Variants in DHX40 observed in about 807,000 individuals in gnomAD.
DHX40 encodes the protein DEAH-box helicase 40.
In DHX40, 28 loss-of-function variants were observed where a neutral mutation model predicts 89.6. The observed-to-expected ratio is 0.31, with a 90% CI of 0.23 to 0.43. The LOEUF (loss-of-function observed/expected upper bound fraction) is 0.43. Ranked by LOEUF, DHX40 falls within the 20% of genes least tolerant of loss-of-function variation. DHX40 has a pLI of 1.00. For synonymous variants in DHX40, 226 were observed against 283.6 expected, an observed-to-expected ratio of 0.80 and a Z score of 2.04; for missense variants, 457 against 844.0, an observed-to-expected ratio of 0.54 and a Z score of 5.68.
chr17:59,600,892 A>C (rs376591951), intron 14 of DHX40, among the ~76,000 whole-genome samples: 1 of 147,738 alleles, frequency 6.8e-6, no homozygotes, highest in African/African-American at 2.5e-5. Flanking sequence ...TTATGCGTAC[A>C]GGTCACTGCA....
intron 12 of DHX40, among the ~76,000 whole-genome samples, chr17:59,591,608 T>C (rs549819225): frequency 5.9e-5 from 9 of 151,316 alleles, no homozygotes; most frequent in South Asian, 4.2e-4. Context: ...TTTATTCTTA[T>C]ATAATTTCAA....
intron 17 of DHX40, among the ~76,000 whole-genome samples, chr17:59,606,309 G>T (rs966139033): frequency 2.0e-5 from 3 of 152,180 alleles, no homozygotes; most frequent in Non-Finnish European, 4.4e-5. Context: ...AAGTTTTTCA[G>T]CTCACATACA....
At position 59,607,483 on chromosome 17, in the gene DHX40, T is replaced by C; in HGVS notation, c.*311T>C. On this transcript the variant is annotated 3_prime_UTR_variant, in exon 18 of 18. Coordinates refer to ENST00000251241, the MANE Select transcript of DHX40 (RefSeq NM_024612.5). ...CTGGTATCAAACGCTGTCATTGAGATGTTTTCAAAGAACATTGAGTTGTAT... is the reference window on the plus strand; with the variant it reads ...CTGGTATCAAACGCTGTCATTGAGACGTTTTCAAAGAACATTGAGTTGTAT... 3.5e-6 allele frequency: 2 copies of C among 579,256 alleles called. No individual in the cohort carries two copies. The highest frequency in any genetic ancestry group is 6.1e-6 in the Non-Finnish European group (2 of 325,590). 35.9% of individuals were successfully genotyped at this position (579,256 alleles called of 1,614,324 possible). A position where few individuals can be genotyped will look rare whatever the true frequency, so the allele number is the denominator to read the frequency against.
At chr17:59,595,288 G>A (rs1406881884) in intron 12 of DHX40, among the ~76,000 whole-genome samples, 5 of 151,664 alleles carry the variant, frequency 3.3e-5, no homozygotes, top group African/African-American at 1.2e-4. Context: ...TCTCCATGTT[G>A]GTCAGGCTGG....
At chr17:59,599,941 A>G (rs1363125477) in intron 14 of DHX40, among the ~76,000 whole-genome samples, 1 of 149,822 alleles carries the variant, frequency 6.7e-6, no homozygotes, top group Non-Finnish European at 1.5e-5. Flanking sequence ...CTTCTGCCTC[A>G]GCCTCCCAAG....
chr17:59,569,329 A>AAAATAAATAAAT (rs5821271), intron 2 of DHX40, among the ~76,000 whole-genome samples: 3 of 146,900 alleles, frequency 2.0e-5, no homozygotes, highest in South Asian at 2.2e-4. Flanking sequence ...CTCTATCTCA[A>AAAATAAATAAAT]AAATAAATAA....
chr17:59,595,230 T>C (rs1428264742), intron 12 of DHX40, among the ~76,000 whole-genome samples: 3 of 151,700 alleles, frequency 2.0e-5, no homozygotes, highest in African/African-American at 4.8e-5. Context: ...ATTACAGGCA[T>C]GTGCCACCAT....
chr17:59,571,900 A>G (rs140003943), intron 3 of DHX40, among the ~76,000 whole-genome samples: 73 of 152,170 alleles, frequency 4.8e-4, no homozygotes, highest in African/African-American at 1.6e-3. Flanking sequence ...TGTCTCTACA[A>G]ATTTGCCTAC....
At position 59,607,476 on chromosome 17, in the gene DHX40, A is replaced by C; in HGVS notation, c.*304A>C. 1.7e-6 allele frequency: 1 copy of C among 580,916 alleles called. No individual in the cohort carries two copies. The highest frequency in any genetic ancestry group is 3.1e-6 in the Non-Finnish European group (1 of 326,780). 36.0% of individuals were successfully genotyped at this position (580,916 alleles called of 1,614,324 possible). Reference sequence around the variant, plus strand: ...GCCTTAACTGGTATCAAACGCTGTCATTGAGATGTTTTCAAAGAACATTGA... The same window carrying C: ...GCCTTAACTGGTATCAAACGCTGTCCTTGAGATGTTTTCAAAGAACATTGA... On this transcript the variant is annotated 3_prime_UTR_variant, in exon 18 of 18. Transcript: ENST00000251241.
intron 11 of DHX40, among the ~76,000 whole-genome samples, chr17:59,587,101 T>C (rs2143285793): frequency 6.8e-6 from 1 of 148,076 alleles, no homozygotes; most frequent in African/African-American, 2.5e-5. Flanking sequence ...TGCAGTGAGC[T>C]GAGGAGATTG....
In DHX40 at chr17:59,588,051, C is replaced by G. The variant is rs2049024342; in HGVS notation, c.1580C>G (p.Pro527Arg). 6.2e-7 allele frequency: 1 copy of G among 1,612,670 alleles called. No homozygotes were observed. The change falls in exon 12 of 18, where the codon CCT (proline) becomes CGT (arginine). Residue 527 changes from proline (P) to arginine (R), a missense_variant and splice_region_variant. Physicochemically the swap from Pro to Arg is moderately radical, Grantham distance 103. Around this residue, in one of 9 missense-constraint regions of DHX40, gnomAD observed 6 missense variants for 77.3 expected, o/e 0.08. Coordinates refer to ENST00000251241, the MANE Select transcript of DHX40 (RefSeq NM_024612.5). ...MLSVENVFIR[P>R]VDPEYQKEAE... ...TCTGTGGAAAACGTCTTCATTAGAC[C>G]TGGTAAGATGTTTATTTTAAGTTGT...
chr17:59,574,889 TAGC>T (rs1425503134), intron 6 of DHX40, among the ~76,000 whole-genome samples: 4 of 152,222 alleles, frequency 2.6e-5, no homozygotes, highest in Non-Finnish European at 5.9e-5. Flanking sequence ...ACTTTTCAAA[TAGC>T]AGCACCCTCC....
At chr17:59,603,710 TTTG>T (rs1567901724) in intron 15 of DHX40, 1 of 152,208 alleles carries the variant, frequency 6.6e-6, no homozygotes, top group Non-Finnish European at 1.5e-5. Flanking sequence ...CCATAAAATT[TTTG>T]TTAATTACAA....
intron 12 of DHX40, among the ~76,000 whole-genome samples, chr17:59,590,734 T>C (rs1013418223): frequency 6.6e-6 from 1 of 151,938 alleles, no homozygotes; most frequent in Non-Finnish European, 1.5e-5. Flanking sequence ...CCTCTTAAAA[T>C]GCTGGTATTA....
At chr17:59,597,544 G>A (rs1462376372) in intron 12 of DHX40, among the ~76,000 whole-genome samples, 1 of 151,876 alleles carries the variant, frequency 6.6e-6, no homozygotes, top group African/African-American at 2.4e-5. Flanking sequence ...CCATACTCCT[G>A]GGGAATACCA....
rs762968225 is a variant in DHX40, at chr17:59,573,955, G to A, written c.762G>A (p.Ala254=). 1.3e-6 allele frequency: 2 copies of A among 1,498,826 alleles called. No individual in the cohort carries two copies. The highest frequency in any genetic ancestry group is 1.8e-6 in the Non-Finnish European group (2 of 1,092,892). The allele number at this position is 1,498,826 out of a possible 1,614,324, so 92.8% of individuals were successfully genotyped here. ...LIGPRDRENT[A]YIQAIVKVTM... is the part of the protein sequence containing the mutation. ...GTCCACGAGACAGAGAAAATACTGC[G>A]TATATTCAAGCGGTATTACTTGGCA... The change falls in exon 5 of 18, where the codon GCG becomes GCA. Residue 254 remains alanine, a synonymous_variant. Coordinates refer to ENST00000251241, the MANE Select transcript of DHX40 (RefSeq NM_024612.5).
intron 2 of DHX40, among the ~76,000 whole-genome samples, chr17:59,569,710 TC>T (rs1266921518): frequency 1.4e-5 from 2 of 140,664 alleles, no homozygotes; most frequent in African/African-American, 5.6e-5. Flanking sequence ...TATATATATA[TC>T]TATATATATA....
chr17:59,606,574 G>A (rs1386132178), intron 17 of DHX40, among the ~76,000 whole-genome samples: 1 of 151,906 alleles, frequency 6.6e-6, no homozygotes, highest in African/African-American at 2.4e-5. Context: ...GTGAAACCCC[G>A]TCTCTACTAA....
Position 59,607,457 on chromosome 17 carries a change from A to T in DHX40, c.*285A>T. ...CCTCAGTACAATTTTGCTGGCCTTA[A>T]CTGGTATCAAACGCTGTCATTGAGA... is the stretch of plus-strand genomic sequence containing the variant. On this transcript the variant is annotated 3_prime_UTR_variant, in exon 18 of 18. Coordinates refer to ENST00000251241, the MANE Select transcript of DHX40 (RefSeq NM_024612.5). 2 of 600,934 alleles carry T rather than the reference A, an allele frequency of 3.3e-6. No homozygotes were observed. Among genetic ancestry groups the T allele is most frequent in the South Asian group, 4.3e-5 (2 of 46,672 alleles). 37.2% of individuals were successfully genotyped at this position (600,934 alleles called of 1,614,324 possible). A position where few individuals can be genotyped will look rare whatever the true frequency, so the allele number is the denominator to read the frequency against.
Sources: gnomAD v4.1 joint callset for allele counts (sites outside exome capture counted in the v4.1 genomes callset) on GRCh38, gnomAD v4.1.1 for gene constraint, gnomAD v4.1.1 regional missense constraint, MANE v1.5 for transcripts, NCBI Gene and HGNC (gene_info 2026-07-23, HGNC 2026-07-21) for gene names.